The following TASP1 variants were observed in gnomAD, a reference collection of about 807,000 sequenced individuals.
The protein encoded by TASP1 is taspase 1, also known as threonine aspartase 1.
In TASP1, 16 loss-of-function variants were observed where a neutral mutation model predicts 56.6. That is an observed-to-expected ratio of 0.28 (90% confidence interval 0.19 to 0.43). The LOEUF is 0.43. Among genes scored for constraint, TASP1 ranks in the 20% least tolerant of loss-of-function variants. The pLI is 1.00. For missense variants in TASP1, 393 were observed against 511.6 expected (o/e 0.77, Z 2.24); for synonymous variants, 179 against 184.2 (o/e 0.97, Z 0.23).
At position 13,550,147 on chromosome 20, in the gene TASP1, T is replaced by TACACACACACAC. The variant is rs149572327; in HGVS notation, c.675+8849_675+8860dup. Reference sequence around the variant, plus strand: ...TTCCTAAATATGGAATATATACACATACACACACACACACACACACACACA... The same window carrying TACACACACACAC: ...TTCCTAAATATGGAATATATACACATACACACACACACACACACACACACACACACACACACA... On this transcript the variant is annotated intron_variant, in intron 8 of 13. Coordinates refer to ENST00000337743, the MANE Select transcript of TASP1 (RefSeq NM_017714.3). Among the ~76,000 whole-genome samples the TACACACACACAC allele has an allele frequency of 2.3e-3, 306 of 135,328 alleles. 2 individuals carry two copies. Among genetic ancestry groups the TACACACACACAC allele is most frequent in the Middle Eastern group, 7.4e-3 (2 of 272 alleles). The allele number at this position is 135,328 out of a possible 152,430, so 88.8% of individuals were successfully genotyped here.
At chr20:13,445,391 T>C (rs1334012700) in intron 11 of TASP1, among the ~76,000 whole-genome samples, 1 of 152,178 alleles carries the variant, frequency 6.6e-6, no homozygotes, top group Non-Finnish European at 1.5e-5. Context: ...AAACAACATA[T>C]TTTGAAATTC....
At chr20:13,116,773 A>C in the TASP1 span, among the ~76,000 whole-genome samples, 1 of 152,206 alleles carries the variant, frequency 6.6e-6, no homozygotes, top group Non-Finnish European at 1.5e-5. Context: ...TGGTGGCAGC[A>C]TCTCCTGGGA....
intron 7 of TASP1, among the ~76,000 whole-genome samples, chr20:13,564,288 TAAC>T (rs1292150929): frequency 1.4e-5 from 2 of 147,966 alleles, no homozygotes; most frequent in Non-Finnish European, 3.0e-5. Context: ...TTCTATAAAT[TAAC>T]AATGAACAAT....
chr20:13,384,853 G>A (rs1169316380), downstream of TASP1, among the ~76,000 whole-genome samples: 3 of 152,144 alleles, frequency 2.0e-5, no homozygotes, highest in Non-Finnish European at 2.9e-5. Context: ...CCTTGTCTTG[G>A]GCCAGCGTTC....
intron 11 of TASP1, among the ~76,000 whole-genome samples, chr20:13,447,844 T>C (rs889487371): frequency 2.0e-5 from 3 of 152,166 alleles, no homozygotes; most frequent in African/African-American, 4.8e-5. Flanking sequence ...TCTTACTAAT[T>C]TGCTATACTC....
At chr20:13,432,667 C>T (rs975507251) in intron 12 of TASP1, among the ~76,000 whole-genome samples, 5 of 152,132 alleles carry the variant, frequency 3.3e-5, no homozygotes, top group Non-Finnish European at 5.9e-5. Context: ...ACTGGCACTT[C>T]ACACTTAATG....
At chr20:13,394,942 T>C (rs918769106) in intron 13 of TASP1, among the ~76,000 whole-genome samples, 1 of 152,144 alleles carries the variant, frequency 6.6e-6, no homozygotes, top group African/African-American at 2.4e-5. Flanking sequence ...GATTTTAAAA[T>C]AAGAAAATTA....
chr20:13,136,751 G>C, the TASP1 span, among the ~76,000 whole-genome samples: 1 of 147,634 alleles, frequency 6.8e-6, no homozygotes, highest in Non-Finnish European at 1.5e-5. Context: ...ATAATATATA[G>C]GGAGAGAGGA....
chr20:13,412,018 C>T (rs891935299), intron 13 of TASP1, among the ~76,000 whole-genome samples: 2 of 152,214 alleles, frequency 1.3e-5, no homozygotes, highest in African/African-American at 2.4e-5. Flanking sequence ...AGTTGTCTTG[C>T]GGCTCTCTTG....
At chr20:13,571,981 A>T (rs2046731463) in intron 6 of TASP1, among the ~76,000 whole-genome samples, 1 of 152,128 alleles carries the variant, frequency 6.6e-6, no homozygotes, top group African/African-American at 2.4e-5. Flanking sequence ...AGGCTTCCTT[A>T]AAAATGCATC....
the TASP1 span, among the ~76,000 whole-genome samples, chr20:13,326,478 T>C: frequency 2.1e-3 from 327 of 152,288 alleles, 1 homozygote; most frequent in African/African-American, 7.4e-3. Flanking sequence ...TATGTGAGTG[T>C]TCCATACATA....
At chr20:13,480,330 G>C (rs529175824) in intron 11 of TASP1, among the ~76,000 whole-genome samples, 3 of 152,190 alleles carry the variant, frequency 2.0e-5, no homozygotes, top group Non-Finnish European at 4.4e-5. Flanking sequence ...TTGTTCTTCT[G>C]TATTTCATAC....
At chr20:13,370,638 C>T in the TASP1 span, among the ~76,000 whole-genome samples, 3 of 152,104 alleles carry the variant, frequency 2.0e-5, no homozygotes, top group African/African-American at 4.8e-5. Flanking sequence ...TCCTAAGCCC[C>T]GGGGCCTCAG....
chr20:13,279,800 G>GCAAC, the TASP1 span: 1 of 1,614,040 alleles, frequency 6.2e-7, no homozygotes, highest in Non-Finnish European at 8.5e-7. Context: ...AAGTACGACA[G>GCAAC]TACCTCAGAC....
intron 4 of TASP1, among the ~76,000 whole-genome samples, chr20:13,604,969 C>A (rs183947209): frequency 5.6e-5 from 8 of 142,516 alleles, no homozygotes; most frequent in Non-Finnish European, 9.1e-5. Context: ...CACATAAAGT[C>A]TACATAAAGA....
the TASP1 span, chr20:13,299,250 A>AG: frequency 6.2e-7 from 1 of 1,605,240 alleles, no homozygotes; most frequent in Non-Finnish European, 8.5e-7. This position sits in a 1 kb window ranked among gnomAD's most constrained non-coding sequence, Gnocchi z 5.8. Flanking sequence ...GCTCATCACC[A>AG]GGGGCAAGGG....
the TASP1 span, among the ~76,000 whole-genome samples, chr20:13,258,113 C>G: frequency 6.6e-6 from 1 of 152,142 alleles, no homozygotes; most frequent in African/African-American, 2.4e-5. Flanking sequence ...CCCAAGCATA[C>G]CTGTGTCCCC....
At chr20:13,155,374 G>T in the TASP1 span, among the ~76,000 whole-genome samples, 1 of 152,102 alleles carries the variant, frequency 6.6e-6, no homozygotes, top group African/African-American at 2.4e-5. Flanking sequence ...GACTAGATTG[G>T]CAGAGTACTT....
At chr20:13,484,196 T>C (rs892597286) in intron 10 of TASP1, among the ~76,000 whole-genome samples, 1 of 152,344 alleles carries the variant, frequency 6.6e-6, no homozygotes, top group African/African-American at 2.4e-5. Context: ...GGAACACTTG[T>C]ACACTGTTGG....
Sources: allele counts gnomAD v4.1 joint callset (sites outside exome capture counted in the v4.1 genomes callset), GRCh38; gene constraint gnomAD v4.1.1; non-coding constraint Gnocchi (gnomAD v3.1); transcripts MANE v1.5; gene names NCBI Gene and HGNC (gene_info 2026-07-23, HGNC 2026-07-21).